Variants in EZH2 observed in about 807,000 individuals in gnomAD.
EZH2 encodes histone-lysine N-methyltransferase EZH2.
EZH2 carries 18 observed loss-of-function variants against 98.4 expected under a neutral mutation model. The observed-to-expected ratio is 0.18, with a 90% CI of 0.13 to 0.27. The LOEUF is 0.27. Among genes scored for constraint, EZH2 ranks in the 10% least tolerant of loss-of-function variants. The pLI is 1.00. For missense variants in EZH2, 470 were observed against 935.1 expected, an observed-to-expected ratio of 0.50 and a Z score of 6.49; for synonymous variants, 338 against 312.3, an observed-to-expected ratio of 1.08 and a Z score of -0.87.
At chr7:148,869,572 A>C (rs1819029237) in intron 1 of EZH2, among the ~76,000 whole-genome samples, 1 of 152,116 alleles carries the variant, frequency 6.6e-6, no homozygotes, top group African/African-American at 2.4e-5. Flanking sequence ...TCCTGGGCTC[A>C]AGCAATCCTC....
At chr7:148,816,655 T>C (rs1461577270) in intron 12 of EZH2, 29 bp downstream of exon 12, 4 of 1,558,920 alleles carry the variant, frequency 2.6e-6, no homozygotes, top group Non-Finnish European at 3.5e-6. Flanking sequence ...CTATGTTGAC[T>C]TCTCTAAGGA....
chr7:148,863,219 T>C (rs1817960049), intron 1 of EZH2, among the ~76,000 whole-genome samples: 1 of 152,160 alleles, frequency 6.6e-6, no homozygotes, highest in African/African-American at 2.4e-5. Flanking sequence ...CTGCCTTTTC[T>C]TGACTCACAG....
chr7:148,845,410 G>A (rs1202505399), intron 3 of EZH2, among the ~76,000 whole-genome samples: 2 of 152,120 alleles, frequency 1.3e-5, no homozygotes, highest in African/African-American at 4.8e-5. Context: ...ACAATTATAA[G>A]TCAGAGCTTT....
intron 12 of EZH2, among the ~76,000 whole-genome samples, chr7:148,815,889 A>T (rs1804417016): frequency 6.6e-6 from 1 of 152,366 alleles, no homozygotes; most frequent in African/African-American, 2.4e-5. Flanking sequence ...AGGCATCATA[A>T]ACCAAGCAAG....
chr7:148,863,641 T>C (rs1818019464), intron 1 of EZH2, among the ~76,000 whole-genome samples: 1 of 152,086 alleles, frequency 6.6e-6, no homozygotes, highest in Non-Finnish European at 1.5e-5. Flanking sequence ...CAGGGACCTT[T>C]TTGCTTCCTT....
At chr7:148,846,426 C>A in intron 3 of EZH2, 44 bp downstream of exon 3, 1 of 1,586,524 alleles carries the variant, frequency 6.3e-7, no homozygotes, top group Non-Finnish European at 8.6e-7. Context: ...ATAGCATAAA[C>A]CAAAAGATGA....
Position 148,846,505 on chromosome 7 carries a change from G to C in EZH2, c.211C>G (p.Leu71Val). Residue 71 changes from leucine (L) to valine (V), a missense_variant, in exon 3 of 20, where the codon CTG (leucine) becomes GTG (valine). Leu to Val is a conservative substitution (Grantham distance 32). Transcript: ENST00000320356. ...CCGCGCAATGAGCTCACAGAAGTCA[G>C]GATGTGCACAGGCTGTATCCTTCGC... ...KQRRIQPVHI[L>V]TSVSSLRGTR... The C allele has an allele frequency of 6.2e-7, 1 of 1,613,770 alleles. No homozygotes were observed. Among genetic ancestry groups the C allele is most frequent in the Non-Finnish European group, 8.5e-7 (1 of 1,179,832 alleles).
intron 3 of EZH2, among the ~76,000 whole-genome samples, chr7:148,837,720 C>T (rs958449107): frequency 2.0e-5 from 3 of 152,044 alleles, no homozygotes; most frequent in Admixed American, 1.3e-4. Context: ...AGAAATGAGT[C>T]GCTCCAACAG....
At chr7:148,874,791 G>A (rs997867959) in intron 1 of EZH2, among the ~76,000 whole-genome samples, 1 of 151,816 alleles carries the variant, frequency 6.6e-6, no homozygotes, top group African/African-American at 2.4e-5. Context: ...AAAATTTACG[G>A]GAGGCTTAGG....
intron 1 of EZH2, among the ~76,000 whole-genome samples, chr7:148,879,899 G>A (rs1462321556): frequency 1.3e-5 from 2 of 151,940 alleles, no homozygotes; most frequent in East Asian, 3.9e-4. Flanking sequence ...GGAGCCAGGA[G>A]TTTGAGATCA....
intron 8 of EZH2, among the ~76,000 whole-genome samples, chr7:148,823,141 T>C (rs1806653092): frequency 6.6e-6 from 1 of 152,174 alleles, no homozygotes; most frequent in African/African-American, 2.4e-5. Flanking sequence ...ATTTTAAAAA[T>C]TAGTTTGGTA....
In EZH2 at chr7:148,807,523, C is replaced by A. The variant is rs1801785427; in HGVS notation, c.*123G>T. 2 of 766,676 alleles carry A rather than the reference C, an allele frequency of 2.6e-6. No homozygotes were observed. The highest frequency in any genetic ancestry group is 2.3e-5 in the Admixed American group (1 of 43,300). The allele number at this position is 766,676 out of a possible 1,614,324, so 47.5% of individuals were successfully genotyped here. ...TTTAAACTCATTACTATAAATTATT[C>A]TTACAGTACTTTGCAAATTCAGAAT... is the stretch of plus-strand genomic sequence containing the variant. On this transcript the variant is annotated 3_prime_UTR_variant, in exon 20 of 20. Transcript: ENST00000320356.
intron 1 of EZH2, among the ~76,000 whole-genome samples, chr7:148,869,830 C>T (rs183851413): frequency 1.4e-4 from 20 of 142,436 alleles, no homozygotes; most frequent in Admixed American, 4.0e-4. Context: ...ACAAAAGCTA[C>T]GTGCCAAGGA....
At chr7:148,815,367 C>T (rs1295510537) in intron 13 of EZH2, 139 bp downstream of exon 13, 2 of 878,214 alleles carry the variant, frequency 2.3e-6, no homozygotes, top group Non-Finnish European at 3.7e-6. Flanking sequence ...AGTAGACGTC[C>T]TCCATTCAAA....
intron 5 of EZH2, 90 bp from the exon 6 acceptor site, chr7:148,828,970 A>G: frequency 7.7e-7 from 1 of 1,301,020 alleles, no homozygotes; most frequent in Admixed American, 2.4e-5. Flanking sequence ...AAACAGGCAT[A>G]GCCTAGTAAC....
At chr7:148,852,695 A>C (rs1816061926) in intron 1 of EZH2, among the ~76,000 whole-genome samples, 1 of 152,210 alleles carries the variant, frequency 6.6e-6, no homozygotes, top group African/African-American at 2.4e-5. Flanking sequence ...CAAAAAACAA[A>C]AGTCAAAGCC....
chr7:148,818,134 G>C lies in EZH2; in HGVS notation c.1000-17C>G, dbSNP rs776562811. 6.5e-7 allele frequency: 1 copy of C among 1,534,380 alleles called. No homozygotes were observed. The highest frequency in any genetic ancestry group is 1.4e-5 in the African/African-American group (1 of 71,776). On this transcript the variant is annotated splice_polypyrimidine_tract_variant and intron_variant, in intron 9 of 19. Coordinates refer to ENST00000320356, the MANE Select transcript of EZH2 (RefSeq NM_004456.5). ...TGCTCCCTCCTACGAAATGAAAAAT[G>C]TCAACATCAGGGCAAAGTTCTAAAA...
At chr7:148,872,133 G>C (rs115736806) in intron 1 of EZH2, among the ~76,000 whole-genome samples, 4 of 152,124 alleles carry the variant, frequency 2.6e-5, no homozygotes, top group Admixed American at 6.6e-5. Context: ...TACATACAAC[G>C]AAATAGTATA....
intron 6 of EZH2, 109 bp downstream of exon 6, chr7:148,828,631 A>C: frequency 7.3e-7 from 1 of 1,361,258 alleles, no homozygotes. Context: ...TGTGATATTT[A>C]ACAAAGAAAG....
Sources: gnomAD v4.1 joint callset for allele counts (sites outside exome capture counted in the v4.1 genomes callset) on GRCh38, gnomAD v4.1.1 for gene constraint, MANE v1.5 for transcripts, NCBI Gene and HGNC (gene_info 2026-07-23, HGNC 2026-07-21) for gene names.